The following SEC11A variants were observed in gnomAD, a reference collection of about 807,000 sequenced individuals.
SEC11A encodes signal peptidase complex catalytic subunit SEC11A.
A neutral mutation model predicts 25.6 loss-of-function variants in SEC11A; 14 were observed. The observed-to-expected ratio is 0.55, with a 90% CI of 0.36 to 0.85. The LOEUF (loss-of-function observed/expected upper bound fraction) is 0.85. SEC11A is among the 40% of genes least tolerant of loss of function. SEC11A has a pLI of 0.01. For missense variants in SEC11A, 153 were observed against 222.9 expected (o/e 0.69, Z 2.00); for synonymous variants, 83 against 76.4 (o/e 1.09, Z -0.45).
chr15:84,713,364 AT>A (rs1406217190), intron 1 of SEC11A, among the ~76,000 whole-genome samples: 3 of 152,200 alleles, frequency 2.0e-5, no homozygotes, highest in African/African-American at 7.2e-5. Flanking sequence ...AGTTATGCAA[AT>A]AATAGCAACT....
At chr15:84,698,159 A>G (rs1278440760) in intron 1 of SEC11A, among the ~76,000 whole-genome samples, 3 of 152,198 alleles carry the variant, frequency 2.0e-5, no homozygotes, top group Admixed American at 2.0e-4. Flanking sequence ...AAAAGTTGAT[A>G]ATAATTTTAA....
At chr15:84,683,100 T>C (rs1379557546) in intron 3 of SEC11A, among the ~76,000 whole-genome samples, 1 of 151,896 alleles carries the variant, frequency 6.6e-6, no homozygotes, top group Admixed American at 6.6e-5. Context: ...TGCAAATATA[T>C]ACAGAGAAAA....
At chr15:84,689,765 G>A (rs747949975) in intron 2 of SEC11A, among the ~76,000 whole-genome samples, 72 of 151,828 alleles carry the variant, frequency 4.7e-4, no homozygotes, top group Non-Finnish European at 8.5e-4. Flanking sequence ...CTGCCACCAC[G>A]CCCAGCTAAT....
intron 1 of SEC11A, among the ~76,000 whole-genome samples, chr15:84,712,280 C>T (rs1003557853): frequency 2.0e-5 from 3 of 151,902 alleles, no homozygotes; most frequent in Non-Finnish European, 4.4e-5. Flanking sequence ...CATACCTCTA[C>T]CTCTATTACA....
chr15:84,694,532 C>CAATATCCT (rs1897702847), intron 1 of SEC11A, among the ~76,000 whole-genome samples: 1 of 151,930 alleles, frequency 6.6e-6, no homozygotes, highest in Non-Finnish European at 1.5e-5. Flanking sequence ...TAAAAAAAAG[C>CAATATCCT]AATATCCTAG....
chr15:84,715,618 G>A (rs983306992), intron 1 of SEC11A, among the ~76,000 whole-genome samples: 1 of 152,128 alleles, frequency 6.6e-6, no homozygotes, highest in Non-Finnish European at 1.5e-5. Context: ...TCGCCTTCCT[G>A]AGCGCCCCAG....
chr15:84,681,809 T>C (rs1323834270), intron 3 of SEC11A, among the ~76,000 whole-genome samples: 1 of 152,074 alleles, frequency 6.6e-6, no homozygotes, highest in Non-Finnish European at 1.5e-5. Flanking sequence ...GGGCAGTGGC[T>C]CACTCCTGTA....
chr15:84,713,645 C>T (rs572415809), intron 1 of SEC11A, among the ~76,000 whole-genome samples: 4 of 152,322 alleles, frequency 2.6e-5, no homozygotes, highest in African/African-American at 9.6e-5. Flanking sequence ...ATTAGAGAAA[C>T]ACAGGGCAGA....
intron 1 of SEC11A, among the ~76,000 whole-genome samples, chr15:84,704,662 C>T (rs1898042605): frequency 6.6e-6 from 1 of 152,090 alleles, no homozygotes; most frequent in African/African-American, 2.4e-5. Flanking sequence ...AGGTTGACTC[C>T]AGCCCACACT....
At chr15:84,688,757 G>A (rs917649453) in intron 2 of SEC11A, among the ~76,000 whole-genome samples, 1 of 152,198 alleles carries the variant, frequency 6.6e-6, no homozygotes, top group African/African-American at 2.4e-5. Flanking sequence ...TCAGCCAGGT[G>A]CGGTGGCTCA....
chr15:84,681,660 A>G (rs1897286742), intron 3 of SEC11A, among the ~76,000 whole-genome samples: 1 of 152,084 alleles, frequency 6.6e-6, no homozygotes, highest in South Asian at 2.1e-4. Context: ...ACAAGAGAGT[A>G]TAAAGCCACA....
chr15:84,703,498 G>A (rs1898008835), intron 1 of SEC11A, among the ~76,000 whole-genome samples: 2 of 152,144 alleles, frequency 1.3e-5, no homozygotes. Flanking sequence ...GAACACTTTA[G>A]GCCTGATTTG....
chr15:84,716,052 G>A lies in SEC11A; in HGVS notation c.24C>T (p.Asp8=), dbSNP rs758431882. The part of the protein sequence containing the change: MLSLDFL[D]DVRRMNKRQL... ...GCCGCTTGTTCATCCGCCGCACATC[G>A]TCCAAAAAGTCTAGAGACAGCATGG... is the stretch of plus-strand genomic sequence containing the variant. Residue 8 remains aspartate, a synonymous_variant, in exon 1 of 6, where the codon GAC becomes GAT. Transcript: ENST00000268220. 2.2e-5 allele frequency: 35 copies of A among 1,613,654 alleles called. No homozygotes were observed. The highest frequency in any genetic ancestry group is 2.2e-5 in the East Asian group (1 of 44,892).
chr15:84,679,948 T>C lies in SEC11A; in HGVS notation c.431+765A>G, dbSNP rs970934979. The C allele has an allele frequency of 2.0e-6, 3 of 1,530,770 alleles. No homozygotes were observed. The African/African-American group carries it at 4.1e-5, about 21-fold the overall frequency. The allele number at this position is 1,530,770 out of a possible 1,614,324, so 94.8% of individuals were successfully genotyped here. On this transcript the variant is annotated intron_variant, in intron 4 of 5. Transcript: ENST00000268220. ...ACAACTTACAATTCCTGTCCTCCAC[T>C]GAACTGTTCTCCTGATAAAATCTGA... is the stretch of plus-strand genomic sequence containing the variant.
At chr15:84,672,675 C>T (rs536194536) in intron 4 of SEC11A, 269 of 191,822 alleles carry the variant, frequency 1.4e-3, no homozygotes, top group African/African-American at 6.2e-3. Flanking sequence ...CAGCCTCTGC[C>T]CGGCCGCCAC....
intron 1 of SEC11A, among the ~76,000 whole-genome samples, chr15:84,697,455 G>A (rs959619359): frequency 1.3e-5 from 2 of 149,272 alleles, no homozygotes; most frequent in African/African-American, 5.2e-5. Flanking sequence ...TAGAGAAAGA[G>A]GTTAAAGTTC....
chr15:84,690,628 T>C (rs1323097840), intron 2 of SEC11A, among the ~76,000 whole-genome samples: 1 of 151,816 alleles, frequency 6.6e-6, no homozygotes, highest in African/African-American at 2.4e-5. Flanking sequence ...AAAAAAAATA[T>C]TCACTAAGAG....
At chr15:84,681,451 G>A (rs999687079) in intron 3 of SEC11A, among the ~76,000 whole-genome samples, 23 of 152,010 alleles carry the variant, frequency 1.5e-4, no homozygotes, top group African/African-American at 5.1e-4. Flanking sequence ...CCAACATGGC[G>A]AAACCCTGTC....
chr15:84,682,012 T>C (rs1262277166), intron 3 of SEC11A, among the ~76,000 whole-genome samples: 3 of 152,098 alleles, frequency 2.0e-5, no homozygotes, highest in Non-Finnish European at 2.9e-5. Context: ...TGAGCTGTGA[T>C]TGCGTCACTG....
Sources: gnomAD v4.1 joint callset for allele counts (sites outside exome capture counted in the v4.1 genomes callset) on GRCh38, gnomAD v4.1.1 for gene constraint, MANE v1.5 for transcripts, NCBI Gene and HGNC (gene_info 2026-07-23, HGNC 2026-07-21) for gene names.